The following CHD6 variants were observed in gnomAD, a reference collection of about 807,000 sequenced individuals.
The protein encoded by CHD6 is chromodomain helicase DNA binding protein 6.
A neutral mutation model predicts 276.9 loss-of-function variants in CHD6; 50 were observed. The ratio of observed to expected loss-of-function variants is 0.18; its 90% CI spans 0.14 to 0.23. The LOEUF (loss-of-function observed/expected upper bound fraction) is 0.23. Among genes scored for constraint, CHD6 ranks in the 10% least tolerant of loss-of-function variants. The pLI is 1.00. For missense variants in CHD6, 2,564 were observed against 3,365.8 expected (o/e 0.76, Z 5.89); for synonymous variants, 1,173 against 1,229.3 (o/e 0.95, Z 0.96).
intron 3 of CHD6, among the ~76,000 whole-genome samples, chr20:41,518,207 C>G (rs914980785): frequency 6.6e-6 from 1 of 152,222 alleles, no homozygotes; most frequent in Non-Finnish European, 1.5e-5. Context: ...CATCTACTTA[C>G]TAAACGTAAC....
At position 41,514,740 on chromosome 20, in the gene CHD6, T is replaced by C. The variant is rs2044209870; in HGVS notation, c.702+65A>G. ...AGAAAGGCATAGAGGAGCAACACGA[T>C]CAGTGTCAGCCAGATCCCATCCAGG... On this transcript the variant is annotated intron_variant, in intron 4 of 36. Transcript: ENST00000373233. The C allele has an allele frequency of 5.8e-6, 9 of 1,556,458 alleles. No homozygotes were observed. The Admixed American group carries it at 1.6e-4, about 28-fold the overall frequency.
chr20:41,423,456 T>C (rs777066751), intron 30 of CHD6, 36 bp downstream of exon 30: 2 of 1,578,298 alleles, frequency 1.3e-6, no homozygotes, highest in Admixed American at 1.7e-5. Flanking sequence ...TGTTCTTTCC[T>C]TGTATCATCT....
intron 1 of CHD6, among the ~76,000 whole-genome samples, chr20:41,610,946 T>C (rs887729121): frequency 1.3e-5 from 2 of 152,186 alleles, no homozygotes; most frequent in Non-Finnish European, 2.9e-5. Flanking sequence ...TCTTCAATCT[T>C]AGTATGAAAG....
In CHD6 at chr20:41,454,631, C is replaced by T; in HGVS notation, c.3115G>A (p.Glu1039Lys). ...AAAATATTATTTTGCTGTACCTTTT[C>T]ATTCTTTGCTTCAGTGTCTAGTTCA... ...IAELDTEAKN[E>K]KESLVIDRPR... The change falls in exon 20 of 37, where the codon GAA becomes AAA. Residue 1039 changes from glutamate (E) to lysine (K), a missense_variant. Coordinates refer to ENST00000373233, the MANE Select transcript of CHD6 (RefSeq NM_032221.5). 6.2e-7 allele frequency: 1 copy of T among 1,608,784 alleles called. No individual in the cohort carries two copies. Among genetic ancestry groups the T allele is most frequent in the Non-Finnish European group, 8.5e-7 (1 of 1,176,528 alleles).
At chr20:41,411,240 C>G (rs1470312527) in intron 36 of CHD6, among the ~76,000 whole-genome samples, 1 of 151,856 alleles carries the variant, frequency 6.6e-6, no homozygotes, top group Non-Finnish European at 1.5e-5. Context: ...TCCCTGAGAA[C>G]ATTAAATGCC....
At chr20:41,568,771 A>C (rs1448950661) in intron 1 of CHD6, among the ~76,000 whole-genome samples, 3 of 152,206 alleles carry the variant, frequency 2.0e-5, no homozygotes, top group Non-Finnish European at 4.4e-5. Flanking sequence ...GAAATGCTAA[A>C]ACCTACTTCC....
chr20:41,511,111 T>C (rs1311722266), intron 5 of CHD6, among the ~76,000 whole-genome samples: 2 of 152,222 alleles, frequency 1.3e-5, no homozygotes, highest in Non-Finnish European at 1.5e-5. Context: ...CTACTTTCCA[T>C]GCAAACACAG....
rs552543937 is a variant in CHD6 at position 41,402,793 on chromosome 20, C to T, written c.*1800G>A. 2 of 210,296 alleles carry T rather than the reference C, an allele frequency of 9.5e-6. No homozygotes were observed. The highest frequency in any genetic ancestry group is 7.2e-5 in the East Asian group (1 of 13,832). 13.0% of individuals were successfully genotyped at this position (210,296 alleles called of 1,614,324 possible). A position where few individuals can be genotyped will look rare whatever the true frequency, so the allele number is the denominator to read the frequency against. ...TGCTTCCACTGGAGGCAAAACTGAA[C>T]AAAATGTTAGTTAAATAGAGAGAGC... is the stretch of plus-strand genomic sequence containing the variant. On this transcript the variant is annotated 3_prime_UTR_variant, in exon 37 of 37. Coordinates refer to ENST00000373233, the MANE Select transcript of CHD6 (RefSeq NM_032221.5).
chr20:41,437,027 T>C (rs1281323951), intron 27 of CHD6, among the ~76,000 whole-genome samples: 3 of 152,232 alleles, frequency 2.0e-5, no homozygotes, highest in Non-Finnish European at 4.4e-5. Flanking sequence ...ATAAAAGGTA[T>C]ATGCGATTTC....
chr20:41,416,933 G>T (rs742433), intron 32 of CHD6, 139 bp from the exon 33 acceptor site: 2 of 780,026 alleles, frequency 2.6e-6, no homozygotes, highest in Non-Finnish European at 3.9e-6. Context: ...ACTTTATAAG[G>T]CTTAAAATAA....
intron 27 of CHD6, among the ~76,000 whole-genome samples, chr20:41,435,172 A>C (rs1478120742): frequency 6.6e-6 from 1 of 152,262 alleles, no homozygotes; most frequent in Non-Finnish European, 1.5e-5. Flanking sequence ...AACTGAATGA[A>C]AGTGAAAATA....
chr20:41,406,474 T>C (rs2046678190), intron 36 of CHD6, among the ~76,000 whole-genome samples: 1 of 152,190 alleles, frequency 6.6e-6, no homozygotes, highest in Admixed American at 6.5e-5. Context: ...TCCAGCAGCA[T>C]CAGCGAGCGG....
At chr20:41,564,064 T>C (rs1240139564) in intron 1 of CHD6, 3 of 779,562 alleles carry the variant, frequency 3.8e-6, no homozygotes, top group East Asian at 4.8e-5. Flanking sequence ...GTTGTGGGAT[T>C]TGGGCAACTT....
intron 1 of CHD6, among the ~76,000 whole-genome samples, chr20:41,590,203 A>T (rs1284790841): frequency 4.6e-5 from 7 of 152,198 alleles, no homozygotes; most frequent in Admixed American, 4.6e-4. Context: ...CACCTTATAC[A>T]AATACGAATT....
At chr20:41,406,166 A>T (rs961267317) in intron 36 of CHD6, among the ~76,000 whole-genome samples, 3 of 152,144 alleles carry the variant, frequency 2.0e-5, no homozygotes, top group Non-Finnish European at 4.4e-5. Context: ...ATACAATGGG[A>T]TGTGTACATG....
intron 31 of CHD6, among the ~76,000 whole-genome samples, chr20:41,418,245 A>G (rs1332145980): frequency 6.6e-6 from 1 of 152,242 alleles, no homozygotes; most frequent in African/African-American, 2.4e-5. Flanking sequence ...AAGAGGTGAC[A>G]ATAAAGGAGC....
rs1159049826 is a variant in CHD6 at position 41,403,542 on chromosome 20, T to C, written c.*1051A>G. On this transcript the variant is annotated 3_prime_UTR_variant, in exon 37 of 37. Coordinates refer to ENST00000373233, the MANE Select transcript of CHD6 (RefSeq NM_032221.5). The stretch of plus-strand genomic sequence containing the variant: ...AAATTAATGGAGAAGTAACTTTTCA[T>C]AGCTGTATTATAAAGGGTGGCACAC... 9 of 1,063,044 alleles carry C rather than the reference T, an allele frequency of 8.5e-6. No individual in the cohort carries two copies. Among genetic ancestry groups the C allele is most frequent in the Non-Finnish European group, 9.1e-6 (8 of 877,928 alleles). The allele number at this position is 1,063,044 out of a possible 1,614,324, so 65.9% of individuals were successfully genotyped here.
At chr20:41,435,047 C>A (rs1401124801) in intron 27 of CHD6, among the ~76,000 whole-genome samples, 1 of 151,960 alleles carries the variant, frequency 6.6e-6, no homozygotes, top group African/African-American at 2.4e-5. Flanking sequence ...CAGAATCAAA[C>A]TAGAGATCAA....
chr20:41,487,904 T>C lies in CHD6; in HGVS notation c.1858-96A>G, dbSNP rs146028837. The C allele has an allele frequency of 3.9e-4, 495 of 1,281,084 alleles. 3 individuals are homozygous for C. In the African/African-American group the frequency reaches 5.1e-3, roughly 13 times the overall value. 79.4% of individuals were successfully genotyped at this position (1,281,084 alleles called of 1,614,324 possible). On this transcript the variant is annotated intron_variant, in intron 13 of 36. Transcript: ENST00000373233. The stretch of plus-strand genomic sequence containing the variant: ...TAAGCCAGGGCATTGAGTGCTCAAT[T>C]TGGGGCAATTCTGATCTGCTTTAAT...
Sources: allele counts gnomAD v4.1 joint callset (sites outside exome capture counted in the v4.1 genomes callset), GRCh38; gene constraint gnomAD v4.1.1; transcripts MANE v1.5; gene names NCBI Gene and HGNC (gene_info 2026-07-23, HGNC 2026-07-21).